The following WDR41 variants were observed in gnomAD, a reference collection of about 807,000 sequenced individuals.
WDR41 encodes the protein WD repeat-containing protein 41.
Under a neutral mutation model 69.3 loss-of-function variants are expected in WDR41, and 63 were observed. The observed-to-expected ratio is 0.91, with a 90% CI of 0.74 to 1.12. The LOEUF (loss-of-function observed/expected upper bound fraction) is 1.12. Ranked by LOEUF, WDR41 falls within the 50% of genes most tolerant of loss-of-function variation. The pLI, the probability that WDR41 is intolerant of heterozygous loss-of-function variation, is 0.00. For missense variants in WDR41, 543 were observed against 534.5 expected (o/e 1.02, Z -0.16); for synonymous variants, 185 against 192.1 (o/e 0.96, Z 0.31).
At chr5:77,485,719 C>A (rs1485396299) in intron 2 of WDR41, among the ~76,000 whole-genome samples, 1 of 151,878 alleles carries the variant, frequency 6.6e-6, no homozygotes, top group Non-Finnish European at 1.5e-5. Context: ...CTCATCAATA[C>A]GACCCTCACT....
Position 77,492,291 on chromosome 5 carries a change from C to T in WDR41, c.-71G>A. On this transcript the variant is annotated 5_prime_UTR_variant, in exon 1 of 13. Transcript: ENST00000296679. ...AACTCCGCCCCAGGCTCGGCCTCCT[C>T]CTTCCTCCCCGGCTGCAGCGCAACT... 1.3e-6 allele frequency: 2 copies of T among 1,592,730 alleles called. No homozygotes were observed. The highest frequency in any genetic ancestry group is 1.7e-6 in the Non-Finnish European group (2 of 1,169,054).
intron 12 of WDR41, among the ~76,000 whole-genome samples, chr5:77,435,387 A>C (rs1026102704): frequency 2.0e-5 from 3 of 152,184 alleles, no homozygotes; most frequent in African/African-American, 7.2e-5. Flanking sequence ...ACAGCCTATT[A>C]GGTCTATACC....
intron 1 of WDR41, among the ~76,000 whole-genome samples, chr5:77,602,331 G>T (rs952086410): frequency 6.6e-6 from 1 of 151,976 alleles, no homozygotes; most frequent in Non-Finnish European, 1.5e-5. Flanking sequence ...GTAGAGACGG[G>T]GTTTCTCTAT....
At chr5:77,600,955 G>A (rs947995714) in intron 1 of WDR41, among the ~76,000 whole-genome samples, 2 of 151,636 alleles carry the variant, frequency 1.3e-5, no homozygotes, top group Non-Finnish European at 2.9e-5. Flanking sequence ...GTGTGTGTGT[G>A]TGTGTGTGTA....
At chr5:77,449,709 T>A in intron 8 of WDR41, 51 bp downstream of exon 8, 1 of 1,236,998 alleles carries the variant, frequency 8.1e-7, no homozygotes, top group African/African-American at 1.5e-5. Context: ...CAGAGCAGGT[T>A]GTGTTAACAA....
In WDR41 at chr5:77,448,932, A is replaced by G. The variant is rs1173926635; in HGVS notation, c.697+828T>C. ...CAAAGCCAAGCCAGGCCTCAGGGAGATATGTTGCTGGGGTGCTGTCTAGCC... is the reference window on the plus strand; with the variant it reads ...CAAAGCCAAGCCAGGCCTCAGGGAGGTATGTTGCTGGGGTGCTGTCTAGCC... On this transcript the variant is annotated intron_variant, in intron 8 of 12. Transcript: ENST00000296679. Among the ~76,000 whole-genome samples, 4 of 152,028 alleles carry G rather than the reference A, an allele frequency of 2.6e-5. No homozygotes were observed. In the East Asian group the frequency reaches 5.8e-4, roughly 22 times the overall value.
intron 1 of WDR41, among the ~76,000 whole-genome samples, chr5:77,532,992 C>G (rs1742885287): frequency 6.6e-6 from 1 of 151,672 alleles, no homozygotes; most frequent in Non-Finnish European, 1.5e-5. Flanking sequence ...TATGTACTTC[C>G]TTGCATGTAT....
chr5:77,530,751 TA>T (rs1347594679), intron 1 of WDR41, among the ~76,000 whole-genome samples: 10 of 151,870 alleles, frequency 6.6e-5, no homozygotes, highest in East Asian at 1.9e-4. Context: ...AAATTTACAT[TA>T]AAAAATTAAC....
chr5:77,530,628 T>A (rs1419154390), intron 1 of WDR41, among the ~76,000 whole-genome samples: 3 of 151,880 alleles, frequency 2.0e-5, no homozygotes, highest in African/African-American at 7.2e-5. Flanking sequence ...TGGAGGAATA[T>A]CCTTGCATAG....
chr5:77,582,503 G>A (rs1005179212), intron 1 of WDR41: 4 of 1,599,534 alleles, frequency 2.5e-6, no homozygotes, highest in Non-Finnish European at 2.5e-6. Flanking sequence ...AAGATGCTTC[G>A]AAAGGCAAGG....
chr5:77,551,031 T>C (rs1384586745), intron 1 of WDR41, among the ~76,000 whole-genome samples: 2 of 151,876 alleles, frequency 1.3e-5, no homozygotes, highest in African/African-American at 4.8e-5. Flanking sequence ...ACGGGAACAA[T>C]AGACACTGGG....
Position 77,492,169 on chromosome 5 carries a change from C to A in WDR41, c.51+1G>T. The A allele has an allele frequency of 6.2e-7, 1 of 1,612,052 alleles. No homozygotes were observed. Among genetic ancestry groups the A allele is most frequent in the Non-Finnish European group, 8.5e-7 (1 of 1,179,302 alleles). On this transcript the variant is annotated splice_donor_variant, in intron 1 of 12. Coordinates refer to ENST00000296679, the MANE Select transcript of WDR41 (RefSeq NM_018268.4). LOFTEE classifies it high-confidence loss of function. The stretch of plus-strand genomic sequence containing the variant: ...GCAGAGCAGACCCACCCGGGGTTTA[C>A]CTCGGCCAGTCCCTGCGGTTCTCGG...
intron 1 of WDR41, among the ~76,000 whole-genome samples, chr5:77,550,483 C>T (rs1031636891): frequency 1.3e-5 from 2 of 152,024 alleles, no homozygotes; most frequent in African/African-American, 4.8e-5. Flanking sequence ...GGCCAACAAA[C>T]ATAATGGGAA....
chr5:77,509,422 T>A (rs1399852702), intron 1 of WDR41, among the ~76,000 whole-genome samples: 1 of 152,184 alleles, frequency 6.6e-6, no homozygotes, highest in African/African-American at 2.4e-5. Context: ...TGTACATGTA[T>A]GTTTATAGCA....
At chr5:77,449,276 G>A (rs1799528329) in intron 8 of WDR41, among the ~76,000 whole-genome samples, 1 of 152,174 alleles carries the variant, frequency 6.6e-6, no homozygotes, top group African/African-American at 2.4e-5. Flanking sequence ...ATTTTCTGCA[G>A]ACTTTTACTT....
chr5:77,608,674 C>T (rs888069492), intron 1 of WDR41, among the ~76,000 whole-genome samples: 3 of 152,174 alleles, frequency 2.0e-5, no homozygotes, highest in African/African-American at 4.8e-5. Flanking sequence ...TTACAGATTT[C>T]GCAAGAAGGC....
In WDR41 at chr5:77,464,800, A is replaced by G. The variant is rs545984983; in HGVS notation, c.177T>C (p.Ser59=). 8 of 1,612,572 alleles carry G rather than the reference A, an allele frequency of 5.0e-6. No homozygotes were observed. The East Asian group carries it at 1.3e-4, about 27-fold the overall frequency. ...LVQLDDYRFA[S]AGDDGIVVVW... Reference sequence around the variant, plus strand: ...CAACTACAATTCCATCATCACCAGCAGATGCAAATCTGGTTAGGGAGAAAG... The same window carrying G: ...CAACTACAATTCCATCATCACCAGCGGATGCAAATCTGGTTAGGGAGAAAG... The change falls in exon 3 of 13, where the codon TCT becomes TCC. Residue 59 remains serine, a synonymous_variant. Coordinates refer to ENST00000296679, the MANE Select transcript of WDR41 (RefSeq NM_018268.4).
intron 1 of WDR41, among the ~76,000 whole-genome samples, chr5:77,570,522 T>A (rs1452294312): frequency 2.7e-5 from 4 of 146,902 alleles, no homozygotes; most frequent in African/African-American, 1.0e-4. Context: ...ATGTCCTACA[T>A]CACAGATGTT....
At chr5:77,591,339 T>A (rs1361961105) in intron 1 of WDR41, among the ~76,000 whole-genome samples, 3 of 152,158 alleles carry the variant, frequency 2.0e-5, no homozygotes, top group Non-Finnish European at 4.4e-5. Flanking sequence ...TTATTAGCCT[T>A]TTCAAAGAAC....
Sources: gnomAD v4.1 joint callset for allele counts (sites outside exome capture counted in the v4.1 genomes callset) on GRCh38, gnomAD v4.1.1 for gene constraint, MANE v1.5 for transcripts, NCBI Gene and HGNC (gene_info 2026-07-23, HGNC 2026-07-21) for gene names.